The following RREB1 variants were observed in gnomAD, a reference collection of about 807,000 sequenced individuals.
RREB1 encodes ras-responsive element-binding protein 1.
A neutral mutation model predicts 117.8 loss-of-function variants in RREB1; 27 were observed. That is an observed-to-expected ratio of 0.23 (90% confidence interval 0.17 to 0.32). The LOEUF (loss-of-function observed/expected upper bound fraction) is 0.32. Among genes scored for constraint, RREB1 ranks in the 10% least tolerant of loss-of-function variants. RREB1 has a pLI of 1.00. For missense variants in RREB1, 2,577 were observed against 2,378.2 expected (o/e 1.08, Z -1.74); for synonymous variants, 1,298 against 1,026.7 (o/e 1.26, Z -5.05).
At chr6:7,124,426 C>T (rs765977435) in intron 1 of RREB1, among the ~76,000 whole-genome samples, 2 of 152,214 alleles carry the variant, frequency 1.3e-5, no homozygotes, top group Admixed American at 6.5e-5. Context: ...GCCAGCTTGT[C>T]TCATGGTAGC....
At chr6:7,248,083 G>GC (rs1769204388) in intron 12 of RREB1, among the ~76,000 whole-genome samples, 1 of 152,226 alleles carries the variant, frequency 6.6e-6, no homozygotes, top group African/African-American at 2.4e-5. Flanking sequence ...CATCAGGAAA[G>GC]CCCCCGCTGC....
rs759885919 is a variant in RREB1, at chr6:7,230,598, C to G, written c.2499C>G (p.Pro833=). 6.2e-7 allele frequency: 1 copy of G among 1,603,436 alleles called. No individual in the cohort carries two copies. The highest frequency in any genetic ancestry group is 8.5e-7 in the Non-Finnish European group (1 of 1,175,454). The change falls in exon 10 of 13, where the codon CCC becomes CCG. Residue 833 remains proline, a synonymous_variant. Coordinates refer to ENST00000379938, the MANE Select transcript of RREB1 (RefSeq NM_001003699.4). ...SYVLAADGLG[P]AEAPAAEASG... is the part of the protein sequence containing the mutation. ...TGCTGGCCGCCGACGGCCTGGGCCC[C>G]GCAGAGGCGCCGGCCGCTGAGGCGT...
In RREB1 at chr6:7,248,862, G is replaced by A; in HGVS notation, c.5123G>A (p.Ser1708Asn). 2 of 1,600,746 alleles carry A rather than the reference G, an allele frequency of 1.2e-6. No homozygotes were observed. Among genetic ancestry groups the A allele is most frequent in the Non-Finnish European group, 1.7e-6 (2 of 1,174,182 alleles). Residue 1708 changes from serine (S) to asparagine (N), a missense_variant, in exon 13 of 13, where the codon AGC (serine) becomes AAC (asparagine). Coordinates refer to ENST00000379938, the MANE Select transcript of RREB1 (RefSeq NM_001003699.4). ...GGCCAGGGTGACCTTAACCCAGAGA[G>A]CCCGGCGGCCCTGGGGCAGGACCTG... is the stretch of plus-strand genomic sequence containing the variant. ...EPGQGDLNPESPAALGQDLLE... is the reference protein window; with the variant it reads ...EPGQGDLNPENPAALGQDLLE...
rs549060574 is a variant in RREB1 at position 7,246,504 on chromosome 6, G to A, written c.4054G>A (p.Glu1352Lys). 1.9e-5 allele frequency: 29 copies of A among 1,545,372 alleles called. No homozygotes were observed. In the Admixed American group the frequency reaches 4.3e-4, roughly 23 times the overall value. Residue 1352 changes from glutamate to lysine, a missense_variant, in exon 12 of 13, where the codon GAG becomes AAG. Transcript: ENST00000379938. ...CTCACGGGACAGAGAGCAGCCGTCG[G>A]AGGGCGCCACTGAGCTCCGCCAGGT... ...LTSRDREQPS[E>K]GATELRQVAG...
chr6:7,109,024 CG>C (rs1043516069), intron 1 of RREB1, among the ~76,000 whole-genome samples: 8 of 18,726 alleles, frequency 4.3e-4, no homozygotes, highest in African/African-American at 1.1e-3. Flanking sequence ...GCCTCGCGGG[CG>C]GGGGGGGTGG....
In RREB1 at chr6:7,243,571, G is replaced by A. The variant is rs193147847; in HGVS notation, c.3974-2853G>A. On this transcript the variant is annotated intron_variant, in intron 11 of 12. Coordinates refer to ENST00000379938, the MANE Select transcript of RREB1 (RefSeq NM_001003699.4). ...GTTGAGTATTCATGATAGGTGAAGA[G>A]GTGAAGTTTTTTGTTCATGAGAATC... Among the ~76,000 whole-genome samples the A allele has an allele frequency of 1.4e-3, 217 of 152,300 alleles. 1 individual carries two copies. The highest frequency in any genetic ancestry group is 4.8e-3 in the African/African-American group (198 of 41,558).
intron 1 of RREB1, among the ~76,000 whole-genome samples, chr6:7,145,231 T>G (rs1045737254): frequency 1.3e-5 from 2 of 152,222 alleles, no homozygotes; most frequent in African/African-American, 2.4e-5. Flanking sequence ...TCAGAGCAGG[T>G]TTACATGTGT....
rs982616449 is a variant in RREB1 at position 7,189,073 on chromosome 6, T to A, written c.262-86T>A. 4.8e-4 allele frequency: 638 copies of A among 1,328,038 alleles called. 6 individuals are homozygous for A. Among genetic ancestry groups the A allele is most frequent in the Non-Finnish European group, 1.2e-4 (123 of 994,582 alleles). 82.3% of individuals were successfully genotyped at this position (1,328,038 alleles called of 1,614,324 possible). A position where few individuals can be genotyped will look rare whatever the true frequency, so the allele number is the denominator to read the frequency against. On this transcript the variant is annotated intron_variant, in intron 5 of 12. Coordinates refer to ENST00000379938, the MANE Select transcript of RREB1 (RefSeq NM_001003699.4). ...AGCCAAGAAAGTTGATTGGTTTTTTTAATAAAGCTCTGGATCTGCATTTCC... is the reference window on the plus strand; with the variant it reads ...AGCCAAGAAAGTTGATTGGTTTTTTAAATAAAGCTCTGGATCTGCATTTCC...
At chr6:7,219,437 G>C (rs956780575) in intron 8 of RREB1, among the ~76,000 whole-genome samples, 23 of 152,174 alleles carry the variant, frequency 1.5e-4, no homozygotes, top group Non-Finnish European at 3.1e-4. Context: ...GTTGGAGCTG[G>C]TTGGTCCCAC....
At chr6:7,200,574 T>C (rs1186253805) in intron 6 of RREB1, among the ~76,000 whole-genome samples, 1 of 152,200 alleles carries the variant, frequency 6.6e-6, no homozygotes, top group Non-Finnish European at 1.5e-5. Flanking sequence ...TGGCCTATTT[T>C]ATATTTTTGA....
chr6:7,154,359 G>A (rs1336221407), intron 1 of RREB1, among the ~76,000 whole-genome samples: 3 of 152,202 alleles, frequency 2.0e-5, no homozygotes, highest in Non-Finnish European at 4.4e-5. Flanking sequence ...AAGCTCTCCA[G>A]GTGCATACTA....
intron 10 of RREB1, among the ~76,000 whole-genome samples, chr6:7,235,605 G>C (rs960112368): frequency 1.3e-5 from 2 of 152,204 alleles, no homozygotes; most frequent in Non-Finnish European, 2.9e-5. Context: ...GTGCCTGGCC[G>C]TTTTGTGTTT....
At chr6:7,235,859 T>C (rs1368182282) in intron 10 of RREB1, among the ~76,000 whole-genome samples, 1 of 152,228 alleles carries the variant, frequency 6.6e-6, no homozygotes, top group Non-Finnish European at 1.5e-5. Flanking sequence ...ACCTGCTGGC[T>C]GCTGGCAAGG....
chr6:7,107,848 C>T (rs927441875), upstream of RREB1: 1 of 153,164 alleles, frequency 6.5e-6, no homozygotes, highest in Admixed American at 6.5e-5. Context: ...GGGACGACGG[C>T]TGGGGCGCCG....
At position 7,182,080 on chromosome 6, in the gene RREB1, C is replaced by G. The variant is rs780808763; in HGVS notation, c.169C>G (p.Gln57Glu). ...ACCAAATCGGATTGGCAGAAGGAAC[C>G]AGGTAAGTGTTCACACCTAGTGGTG... ...PGPNRIGRRN[Q>E]ETKEEKSSYN... Residue 57 changes from glutamine to glutamate, a missense_variant and splice_region_variant, in exon 4 of 13, where the codon CAG (glutamine) becomes GAG (glutamate). Physicochemically the swap from Gln to Glu is conservative, Grantham distance 29. Transcript: ENST00000379938. 5.0e-6 allele frequency: 8 copies of G among 1,613,952 alleles called. No individual in the cohort carries two copies. In the Admixed American group the frequency reaches 8.3e-5, roughly 17 times the overall value.
intron 1 of RREB1, among the ~76,000 whole-genome samples, chr6:7,140,489 G>A (rs1434857673): frequency 6.6e-6 from 1 of 152,192 alleles, no homozygotes; most frequent in African/African-American, 2.4e-5. Flanking sequence ...CACAGATATA[G>A]AATAAACGTG....
chr6:7,120,680 T>G (rs1213322031), intron 1 of RREB1, among the ~76,000 whole-genome samples: 18 of 152,050 alleles, frequency 1.2e-4, no homozygotes, highest in Non-Finnish European at 2.4e-4. Flanking sequence ...CACCTATTTT[T>G]TTTTTTTTTG....
intron 8 of RREB1, among the ~76,000 whole-genome samples, chr6:7,220,882 T>C (rs978967404): frequency 2.0e-5 from 3 of 152,122 alleles, no homozygotes; most frequent in African/African-American, 7.2e-5. Flanking sequence ...TTAATGGAGA[T>C]TGACAAGCCC....
In RREB1 at chr6:7,249,040, G is replaced by C; in HGVS notation, c.*72G>C. 1 of 1,171,664 alleles carries C rather than the reference G, an allele frequency of 8.5e-7. No individual in the cohort carries two copies. The highest frequency in any genetic ancestry group is 1.2e-6 in the Non-Finnish European group (1 of 862,034). The allele number at this position is 1,171,664 out of a possible 1,614,324, so 72.6% of individuals were successfully genotyped here. On this transcript the variant is annotated 3_prime_UTR_variant, in exon 13 of 13. Coordinates refer to ENST00000379938, the MANE Select transcript of RREB1 (RefSeq NM_001003699.4). ...GTCTATACTTCATGGGGTTTCCTCA[G>C]TGCCCTTTGGCTGTTGAGGAGTGAG... is the stretch of plus-strand genomic sequence containing the variant.
Sources: gnomAD v4.1 joint callset for allele counts (sites outside exome capture counted in the v4.1 genomes callset) on GRCh38, gnomAD v4.1.1 for gene constraint, MANE v1.5 for transcripts, NCBI Gene and HGNC (gene_info 2026-07-23, HGNC 2026-07-21) for gene names.